FYN: variants seen among roughly 807,000 people sequenced by gnomAD.
FYN encodes the protein FYN proto-oncogene, Src family tyrosine kinase, also known as tyrosine-protein kinase Fyn.
In FYN, 10 loss-of-function variants were observed where a neutral mutation model predicts 70.2. That is an observed-to-expected ratio of 0.14 (90% CI 0.09 to 0.24). The LOEUF (loss-of-function observed/expected upper bound fraction) is 0.24. Ranked by LOEUF, FYN falls within the 10% of genes least tolerant of loss-of-function variation. The pLI, the probability that FYN is intolerant of heterozygous loss-of-function variation, is 1.00. For synonymous variants in FYN, 236 were observed against 248.6 expected (o/e 0.95, Z 0.48); for missense variants, 319 against 673.1 (o/e 0.47, Z 5.82).
intron 3 of FYN, among the ~76,000 whole-genome samples, chr6:111,761,059 C>T (rs1340893588): frequency 6.6e-6 from 1 of 152,202 alleles, no homozygotes; most frequent in Non-Finnish European, 1.5e-5. Flanking sequence ...TGCAGAGATG[C>T]AAAGACACAA....
chr6:111,700,370 TCAAA>T (rs1799776508), intron 8 of FYN, 102 bp from the exon 9 acceptor site: 1 of 1,181,992 alleles, frequency 8.5e-7, no homozygotes. Flanking sequence ...ACAGTGCTCC[TCAAA>T]CAGTGCTACT....
At chr6:111,788,381 C>T (rs1184756033) in intron 2 of FYN, among the ~76,000 whole-genome samples, 2 of 152,232 alleles carry the variant, frequency 1.3e-5, no homozygotes, top group Admixed American at 6.5e-5. Context: ...AAATTACATA[C>T]ATTTTGTAGC....
At chr6:111,804,693 C>A (rs1034154959) in intron 2 of FYN, among the ~76,000 whole-genome samples, 2 of 152,178 alleles carry the variant, frequency 1.3e-5, no homozygotes, top group Admixed American at 6.5e-5. Context: ...CTTACACCAA[C>A]AGAAAAGAAA....
intron 2 of FYN, chr6:111,818,612 T>C (rs1772562581): frequency 6.6e-6 from 1 of 152,416 alleles, no homozygotes; most frequent in East Asian, 1.9e-4. Flanking sequence ...TGGTAATGAG[T>C]ACCTGGTCTG....
At chr6:111,790,834 T>C (rs1771591592) in intron 2 of FYN, among the ~76,000 whole-genome samples, 1 of 152,100 alleles carries the variant, frequency 6.6e-6, no homozygotes, top group African/African-American at 2.4e-5. Flanking sequence ...GAATACCTAA[T>C]ACCTAGGAAT....
intron 3 of FYN, among the ~76,000 whole-genome samples, chr6:111,755,908 A>G (rs773742942): frequency 6.6e-6 from 1 of 152,192 alleles, no homozygotes; most frequent in African/African-American, 2.4e-5. Context: ...ATCTTGTCCT[A>G]GAAAGAAAAA....
Position 111,661,592 on chromosome 6 carries a change from G to C in FYN, c.*147C>G. ...TTGGGGACAAGTGTCATTAATGAGG[G>C]CCATGGAAGTTCGTCAGCTTCAGAG... On this transcript the variant is annotated 3_prime_UTR_variant, in exon 14 of 14. Transcript: ENST00000354650. The surrounding 1 kb of genome is among the most constrained non-coding windows in gnomAD (Gnocchi z 4.0). 1.4e-6 allele frequency: 1 copy of C among 698,192 alleles called. No individual in the cohort carries two copies. Among genetic ancestry groups the C allele is most frequent in the Non-Finnish European group, 2.5e-6 (1 of 407,474 alleles). The allele number at this position is 698,192 out of a possible 1,614,324, so 43.2% of individuals were successfully genotyped here. A position where few individuals can be genotyped will look rare whatever the true frequency, so the allele number is the denominator to read the frequency against.
chr6:111,813,575 T>C (rs1241479122), intron 2 of FYN, among the ~76,000 whole-genome samples: 1 of 152,216 alleles, frequency 6.6e-6, no homozygotes, highest in Admixed American at 6.5e-5. Context: ...TTGAGTGCTG[T>C]GGTTAAGAGC....
intron 2 of FYN, among the ~76,000 whole-genome samples, chr6:111,797,275 C>A (rs1771835302): frequency 6.6e-6 from 1 of 151,994 alleles, no homozygotes; most frequent in Non-Finnish European, 1.5e-5. Context: ...AATGTGAGGA[C>A]AAAAAATTAG....
intron 12 of FYN, among the ~76,000 whole-genome samples, chr6:111,683,708 G>A (rs1798869220): frequency 7.5e-6 from 1 of 133,730 alleles, no homozygotes; most frequent in Non-Finnish European, 1.6e-5. Flanking sequence ...CAACTTGAAA[G>A]TTACTCTGGG....
At chr6:111,788,301 C>A (rs1771476772) in intron 2 of FYN, among the ~76,000 whole-genome samples, 1 of 152,202 alleles carries the variant, frequency 6.6e-6, no homozygotes, top group South Asian at 2.1e-4. Context: ...ATGCCTTGCA[C>A]AGAGGAGACA....
At chr6:111,866,350 C>G (rs6568710) in intron 1 of FYN, among the ~76,000 whole-genome samples, 52,006 of 151,918 alleles carry the variant, frequency 0.34, 13,072 homozygotes, top group African/African-American at 0.72. Flanking sequence ...GTTTTGTTTT[C>G]TTTTGTTTTG....
intron 1 of FYN, among the ~76,000 whole-genome samples, chr6:111,847,359 C>A (rs1253485662): frequency 6.6e-6 from 1 of 152,208 alleles, no homozygotes; most frequent in African/African-American, 2.4e-5. Context: ...ACACGCTGTG[C>A]CTACAACTGG....
At chr6:111,741,281 A>G (rs1007103409) in intron 3 of FYN, among the ~76,000 whole-genome samples, 3 of 152,176 alleles carry the variant, frequency 2.0e-5, no homozygotes, top group Non-Finnish European at 4.4e-5. Context: ...AGAAAGCTCA[A>G]TGGGAGTAGA....
At chr6:111,691,029 A>G (rs1021403155) in intron 12 of FYN, among the ~76,000 whole-genome samples, 1 of 152,254 alleles carries the variant, frequency 6.6e-6, no homozygotes, top group Non-Finnish European at 1.5e-5. Flanking sequence ...TTGTAACTAA[A>G]GACGAACTAT....
At chr6:111,706,964 A>G (rs1000733307) in intron 6 of FYN, among the ~76,000 whole-genome samples, 1 of 152,246 alleles carries the variant, frequency 6.6e-6, no homozygotes, top group Non-Finnish European at 1.5e-5. Context: ...ATCCTCTTAG[A>G]GGAAATACAA....
At position 111,680,067 on chromosome 6, in the gene FYN, C is replaced by A. The variant is rs181203481; in HGVS notation, c.1274-5437G>T. 2.0e-3 allele frequency among the ~76,000 whole-genome samples: 306 copies of A among 152,314 alleles called. 1 individual carries two copies. The highest frequency in any genetic ancestry group is 6.9e-3 in the African/African-American group (288 of 41,558). On this transcript the variant is annotated intron_variant, in intron 12 of 13. Transcript: ENST00000354650. ...CATTTTGACCTCACCAAGCCCTGGT[C>A]TTCCTCATTTAAAATAAAGTTAATA...
chr6:111,680,349 T>C (rs1395520353), intron 12 of FYN, among the ~76,000 whole-genome samples: 6 of 152,204 alleles, frequency 3.9e-5, no homozygotes, highest in African/African-American at 1.2e-4. Flanking sequence ...TGAATGGCTA[T>C]TATATATGTC....
intron 3 of FYN, among the ~76,000 whole-genome samples, chr6:111,768,595 C>T (rs1414720985): frequency 1.3e-5 from 2 of 152,198 alleles, no homozygotes; most frequent in Non-Finnish European, 2.9e-5. Flanking sequence ...GACAGTGGGG[C>T]CTGGGAACCT....
Sources: allele counts gnomAD v4.1 joint callset (sites outside exome capture counted in the v4.1 genomes callset), GRCh38; gene constraint gnomAD v4.1.1; non-coding constraint Gnocchi (gnomAD v3.1); transcripts MANE v1.5; gene names NCBI Gene and HGNC (gene_info 2026-07-23, HGNC 2026-07-21).